RPL10A: variants seen among roughly 807,000 people sequenced by gnomAD.
RPL10A encodes the protein ribosomal protein L10a.
Under a neutral mutation model 24.6 loss-of-function variants are expected in RPL10A, and 11 were observed. The ratio of observed to expected loss-of-function variants is 0.45; its 90% CI spans 0.28 to 0.74. RPL10A has a LOEUF of 0.74. Ranked by LOEUF, RPL10A falls within the 30% of genes least tolerant of loss-of-function variation. The pLI is 0.13. For missense variants in RPL10A, 136 were observed against 273.1 expected, an observed-to-expected ratio of 0.50 and a Z score of 3.54; for synonymous variants, 98 against 108.5, an observed-to-expected ratio of 0.90 and a Z score of 0.60.
chr6:35,469,085 G>A (rs955429450), intron 3 of RPL10A, 58 bp downstream of exon 3: 226 of 1,598,534 alleles, frequency 1.4e-4, no homozygotes, highest in Non-Finnish European at 1.8e-4. Flanking sequence ...CCCCTCCCCT[G>A]CAGGCTCCCG....
chr6:35,469,310 C>T, intron 3 of RPL10A, 71 bp from the exon 4 acceptor site: 2 of 1,524,072 alleles, frequency 1.3e-6, no homozygotes, highest in Non-Finnish European at 1.8e-6. Flanking sequence ...CTGCTGCGGT[C>T]CCAGACCCTT....
intron 1 of RPL10A, 50 bp downstream of exon 1, chr6:35,468,489 C>T: frequency 8.1e-6 from 13 of 1,611,824 alleles, no homozygotes; most frequent in Non-Finnish European, 1.1e-5. Flanking sequence ...CCTTCAGGTG[C>T]CCCGCCGAGG....
chr6:35,468,411 C>G lies in RPL10A; in HGVS notation c.-24C>G, dbSNP rs1312582005. 1 of 1,614,060 alleles carries G rather than the reference C, an allele frequency of 6.2e-7. No individual in the cohort carries two copies. Among genetic ancestry groups the G allele is most frequent in the South Asian group, 1.1e-5 (1 of 91,078 alleles). Reference sequence around the variant, plus strand: ...TGCGCAAGACATGCTAGTCTCTTTTCCGGTTAGCGCGGCGTGAGAAGCCAT... The same window carrying G: ...TGCGCAAGACATGCTAGTCTCTTTTGCGGTTAGCGCGGCGTGAGAAGCCAT... On this transcript the variant is annotated 5_prime_UTR_variant, in exon 1 of 6. Coordinates refer to ENST00000322203, the MANE Select transcript of RPL10A (RefSeq NM_007104.5).
intron 3 of RPL10A, 167 bp downstream of exon 3, chr6:35,469,194 A>G (rs1767967339): frequency 1.4e-6 from 2 of 1,466,654 alleles, no homozygotes; most frequent in Admixed American, 5.5e-5. Flanking sequence ...CCTGGGTCTT[A>G]AAACATGAGG....
rs1264126883 is a variant in RPL10A, at chr6:35,469,198, CATG to C, written c.161+173_161+175del. 2.5e-5 allele frequency: 37 copies of C among 1,467,642 alleles called. 1 individual carries two copies. In the Admixed American group the frequency reaches 7.6e-4, roughly 30 times the overall value. The allele number at this position is 1,467,642 out of a possible 1,614,324, so 90.9% of individuals were successfully genotyped here. ...CGGACCCCCACCCTGGGTCTTAAAA[CATG>C]AGGGGAGGCGTGGGTAGGCCTCGGC... On this transcript the variant is annotated intron_variant, in intron 3 of 5. Coordinates refer to ENST00000322203, the MANE Select transcript of RPL10A (RefSeq NM_007104.5).
chr6:35,469,202 AG>A (rs1767967499), intron 3 of RPL10A, 175 bp downstream of exon 3: 4 of 1,467,770 alleles, frequency 2.7e-6, no homozygotes, highest in Non-Finnish European at 3.6e-6. Context: ...TTAAAACATG[AG>A]GGGAGGCGTG....
At position 35,470,212 on chromosome 6, in the gene RPL10A, C is replaced by G. The variant is rs1467517938; in HGVS notation, c.344C>G (p.Ser115Cys). The change falls in exon 5 of 6, where the codon TCT becomes TGT. Residue 115 changes from serine to cysteine, a missense_variant. Transcript: ENST00000322203. This position sits in a 1 kb window ranked among gnomAD's most constrained non-coding sequence, Gnocchi z 4.6. ...TATGATGCGTTTTTGGCCTCAGAGT[C>G]TCTGATCAAGCAGATTCCACGAATC... ...KKYDAFLASE[S>C]LIKQIPRILG... The G allele has an allele frequency of 6.2e-7, 1 of 1,613,364 alleles. No homozygotes were observed. The highest frequency in any genetic ancestry group is 1.3e-5 in the African/African-American group (1 of 74,886).
intron 1 of RPL10A, 52 bp from the exon 2 acceptor site, chr6:35,468,747 C>G: frequency 6.4e-7 from 1 of 1,552,864 alleles, no homozygotes; most frequent in South Asian, 1.2e-5. Flanking sequence ...TCCAGGCAGT[C>G]CGAGCGTGTG....
In RPL10A at chr6:35,470,598, G is replaced by C; in HGVS notation, c.502G>C (p.Ala168Pro). 6.2e-7 allele frequency: 1 copy of C among 1,613,946 alleles called. No homozygotes were observed. Among genetic ancestry groups the C allele is most frequent in the Non-Finnish European group, 8.5e-7 (1 of 1,179,860 alleles). ...CTCCCAGGTGTTATGTCTGGCTGTA[G>C]CTGTTGGTCACGTGAAGATGACAGA... ...QMKKVLCLAV[A>P]VGHVKMTDDE... Residue 168 changes from alanine to proline, a missense_variant, in exon 6 of 6, where the codon GCT becomes CCT. Ala to Pro is a conservative substitution (Grantham distance 27). Around this residue, in one of 3 missense-constraint regions of RPL10A, gnomAD observed 48 missense variants for 105.9 expected, o/e 0.45. Coordinates refer to ENST00000322203, the MANE Select transcript of RPL10A (RefSeq NM_007104.5). This position sits in a 1 kb window ranked among gnomAD's most constrained non-coding sequence, Gnocchi z 4.6.
At chr6:35,469,241 A>G (rs1193603677) in intron 3 of RPL10A, 140 bp from the exon 4 acceptor site, 20 of 1,491,194 alleles carry the variant, frequency 1.3e-5, no homozygotes, top group Non-Finnish European at 1.8e-5. Context: ...CCCGCCGGCC[A>G]GCCTGAGAAG....
chr6:35,468,683 G>T, intron 1 of RPL10A, 116 bp from the exon 2 acceptor site: 1 of 1,525,454 alleles, frequency 6.6e-7, no homozygotes, highest in Non-Finnish European at 8.8e-7. Flanking sequence ...CGGAATCTAC[G>T]GGGGAGTCCG....
rs1157945335 is a variant in RPL10A, at chr6:35,470,534, C to G, written c.484-46C>G. The G allele has an allele frequency of 6.3e-7, 1 of 1,579,418 alleles. No individual in the cohort carries two copies. Reference sequence around the variant, plus strand: ...TGGGGGAGGAAGGACAGGCCATCTGCTATTCGTCCACCAACCTGACTTGAT... The same window carrying G: ...TGGGGGAGGAAGGACAGGCCATCTGGTATTCGTCCACCAACCTGACTTGAT... On this transcript the variant is annotated intron_variant, in intron 5 of 5. Coordinates refer to ENST00000322203, the MANE Select transcript of RPL10A (RefSeq NM_007104.5). The surrounding 1 kb of genome is among the most constrained non-coding windows in gnomAD (Gnocchi z 4.6).
In RPL10A at chr6:35,468,796, C is replaced by A; in HGVS notation, c.6-3C>A. On this transcript the variant is annotated splice_region_variant and splice_polypyrimidine_tract_variant and intron_variant, in intron 1 of 5. Transcript: ENST00000322203. ...TGAGCGCCCTGTCGCTTCTCTCCCGCAGCAGCAAAGTCTCTCGCGACACCC... is the reference window on the plus strand; with the variant it reads ...TGAGCGCCCTGTCGCTTCTCTCCCGAAGCAGCAAAGTCTCTCGCGACACCC... The A allele has an allele frequency of 1.3e-6, 2 of 1,594,518 alleles. No homozygotes were observed. Among genetic ancestry groups the A allele is most frequent in the Non-Finnish European group, 1.7e-6 (2 of 1,170,792 alleles).
At position 35,468,842 on chromosome 6, in the gene RPL10A, G is replaced by A; in HGVS notation, c.49G>A (p.Val17Ile). ...CACCCTGTACGAGGCGGTGCGGGAAGTCCTGCACGGGAACCAGCGCAAGCG... is the reference window on the plus strand; with the variant it reads ...CACCCTGTACGAGGCGGTGCGGGAAATCCTGCACGGGAACCAGCGCAAGCG... ...RDTLYEAVRE[V>I]LHGNQRKRRK... The change falls in exon 2 of 6, where the codon GTC (valine) becomes ATC (isoleucine). Residue 17 changes from valine (V) to isoleucine (I), a missense_variant. Coordinates refer to ENST00000322203, the MANE Select transcript of RPL10A (RefSeq NM_007104.5). 3 of 1,611,896 alleles carry A rather than the reference G, an allele frequency of 1.9e-6. No individual in the cohort carries two copies. Among genetic ancestry groups the A allele is most frequent in the Non-Finnish European group, 2.5e-6 (3 of 1,179,112 alleles).
In RPL10A at chr6:35,470,697, G is replaced by A. The variant is rs753875951; in HGVS notation, c.601G>A (p.Val201Ile). ...ATTGCTCAAGAAAAACTGGCAGAAT[G>A]TCCGGGCCTTATATATCAAGAGCAC... ...VSLLKKNWQN[V>I]RALYIKSTMG... The change falls in exon 6 of 6, where the codon GTC (valine) becomes ATC (isoleucine). Residue 201 changes from valine to isoleucine, a missense_variant. Val to Ile is a conservative substitution (Grantham distance 29). Transcript: ENST00000322203. This position sits in a 1 kb window ranked among gnomAD's most constrained non-coding sequence, Gnocchi z 4.6. The A allele has an allele frequency of 6.2e-7, 1 of 1,609,026 alleles. No individual in the cohort carries two copies. Among genetic ancestry groups the A allele is most frequent in the Non-Finnish European group, 8.5e-7 (1 of 1,180,004 alleles).
intron 1 of RPL10A, 66 bp downstream of exon 1, chr6:35,468,505 GA>G: frequency 6.2e-7 from 1 of 1,610,792 alleles, no homozygotes; most frequent in South Asian, 1.1e-5. Context: ...CGAGGGTTCG[GA>G]TCCTGTAGGC....
chr6:35,468,938 C>G lies in RPL10A; in HGVS notation c.81-9C>G. On this transcript the variant is annotated splice_polypyrimidine_tract_variant and intron_variant, in intron 2 of 5. Transcript: ENST00000322203. ...CCGGCGGGTGCTTAACCCCCCTCCT[C>G]TCTCGAAGGTTCCTGGAGACGGTGG... 6.2e-7 allele frequency: 1 copy of G among 1,613,938 alleles called. No individual in the cohort carries two copies. Among genetic ancestry groups the G allele is most frequent in the Non-Finnish European group, 8.5e-7 (1 of 1,179,896 alleles).
In RPL10A at chr6:35,470,248, G is replaced by C. The variant is rs1394562656; in HGVS notation, c.380G>C (p.Gly127Ala). ...IKQIPRILGP[G>A]LNKAGKFPSL... is the part of the protein sequence containing the mutation. ...CAGATTCCACGAATCCTCGGCCCAG[G>C]TTTAAATAAGGCAGGAAAGTTCCCT... The change falls in exon 5 of 6, where the codon GGT (glycine) becomes GCT (alanine). Residue 127 changes from glycine (G) to alanine (A), a missense_variant. Gly to Ala is a moderately conservative substitution (Grantham distance 60). Transcript: ENST00000322203. This position sits in a 1 kb window ranked among gnomAD's most constrained non-coding sequence, Gnocchi z 4.6. 6.2e-7 allele frequency: 1 copy of C among 1,611,850 alleles called. No individual in the cohort carries two copies. Among genetic ancestry groups the C allele is most frequent in the Non-Finnish European group, 8.5e-7 (1 of 1,179,854 alleles).
intron 1 of RPL10A, 118 bp from the exon 2 acceptor site, chr6:35,468,681 A>T: frequency 2.6e-6 from 4 of 1,525,068 alleles, no homozygotes; most frequent in Non-Finnish European, 3.5e-6. Context: ...TCCGGAATCT[A>T]CGGGGGAGTC....
Sources: allele counts gnomAD v4.1 joint callset, GRCh38; gene constraint gnomAD v4.1.1; regional missense constraint gnomAD v4.1.1; non-coding constraint Gnocchi (gnomAD v3.1); transcripts MANE v1.5; gene names NCBI Gene and HGNC (gene_info 2026-07-23, HGNC 2026-07-21).